KLHL14: variants seen among roughly 807,000 people sequenced by gnomAD.
KLHL14 encodes the protein kelch-like protein 14.
In KLHL14, 22 loss-of-function variants were observed where a neutral mutation model predicts 64.3. That is an observed-to-expected ratio of 0.34 (90% CI 0.24 to 0.49). KLHL14 has a LOEUF of 0.49. Among genes scored for constraint, KLHL14 ranks in the 20% least tolerant of loss-of-function variants. The pLI, the probability that KLHL14 is intolerant of heterozygous loss-of-function variation, is 0.99. For synonymous variants in KLHL14, 322 were observed against 333.4 expected (o/e 0.97, Z 0.37); for missense variants, 661 against 789.0 (o/e 0.84, Z 1.94).
intron 3 of KLHL14, among the ~76,000 whole-genome samples, chr18:32,695,911 G>A (rs566126366): frequency 6.6e-6 from 1 of 152,038 alleles, no homozygotes; most frequent in East Asian, 1.9e-4. Flanking sequence ...TCAGGGCTGG[G>A]GTTACTTCTT....
At chr18:32,675,740 C>T (rs1469718252) in intron 8 of KLHL14, among the ~76,000 whole-genome samples, 1 of 152,158 alleles carries the variant, frequency 6.6e-6, no homozygotes, top group Non-Finnish European at 1.5e-5. Context: ...ACCCAACCAA[C>T]CTAATAATTA....
intron 3 of KLHL14, among the ~76,000 whole-genome samples, chr18:32,699,322 A>T (rs1263156623): frequency 6.6e-6 from 1 of 152,200 alleles, no homozygotes; most frequent in Admixed American, 6.5e-5. Context: ...CTTTGAAAAT[A>T]CAACAACACT....
intron 3 of KLHL14, among the ~76,000 whole-genome samples, chr18:32,700,657 T>C (rs1483813155): frequency 1.3e-5 from 2 of 152,208 alleles, no homozygotes; most frequent in Non-Finnish European, 2.9e-5. Flanking sequence ...TGCTAGGCAA[T>C]GTTGTACCTG....
chr18:32,673,215 C>G lies in KLHL14; in HGVS notation c.*1442G>C, dbSNP rs977579849. ...ATTCCAGTATACCCATTTATCTTGA[C>G]GTGCTCTGCCATGAAAGCTTATCAC... On this transcript the variant is annotated 3_prime_UTR_variant, in exon 9 of 9. Coordinates refer to ENST00000359358, the MANE Select transcript of KLHL14 (RefSeq NM_020805.3). 1 of 152,576 alleles carries G rather than the reference C, an allele frequency of 6.6e-6. No individual in the cohort carries two copies. The highest frequency in any genetic ancestry group is 1.5e-5 in the Non-Finnish European group (1 of 68,042). 9.5% of individuals were successfully genotyped at this position (152,576 alleles called of 1,614,324 possible). A position where few individuals can be genotyped will look rare whatever the true frequency, so the allele number is the denominator to read the frequency against.
chr18:32,713,953 T>TA (rs965406439), intron 3 of KLHL14, among the ~76,000 whole-genome samples: 1 of 152,156 alleles, frequency 6.6e-6, no homozygotes, highest in African/African-American at 2.4e-5. Flanking sequence ...AAATTTCTTT[T>TA]AAAAATCTAC....
intron 3 of KLHL14, among the ~76,000 whole-genome samples, chr18:32,738,972 A>G (rs1048226962): frequency 6.6e-6 from 1 of 152,100 alleles, no homozygotes; most frequent in Admixed American, 6.6e-5. Flanking sequence ...GTATCTGTGC[A>G]CCTGCCTGTA....
intron 2 of KLHL14, among the ~76,000 whole-genome samples, chr18:32,756,400 C>T (rs2050281812): frequency 3.0e-5 from 2 of 67,442 alleles, no homozygotes; most frequent in Middle Eastern, 7.5e-3. Flanking sequence ...TTTAGAGTTT[C>T]CTTCACACAC....
intron 8 of KLHL14, among the ~76,000 whole-genome samples, chr18:32,676,425 G>A (rs1029530154): frequency 4.6e-5 from 7 of 152,156 alleles, no homozygotes; most frequent in Non-Finnish European, 8.8e-5. Context: ...ATTTGGATAT[G>A]TCAATTTGAA....
At chr18:32,741,091 G>A (rs772823172) in intron 3 of KLHL14, among the ~76,000 whole-genome samples, 1 of 152,114 alleles carries the variant, frequency 6.6e-6, no homozygotes, top group Non-Finnish European at 1.5e-5. Flanking sequence ...TTTGATTTAT[G>A]GATTAAAATT....
At chr18:32,690,885 A>G (rs925599212) in intron 4 of KLHL14, among the ~76,000 whole-genome samples, 1 of 152,160 alleles carries the variant, frequency 6.6e-6, no homozygotes, top group Non-Finnish European at 1.5e-5. Flanking sequence ...TAGGTTGAGT[A>G]GTAAATTGAG....
intron 3 of KLHL14, among the ~76,000 whole-genome samples, chr18:32,702,204 C>T (rs1281084171): frequency 6.6e-6 from 1 of 152,070 alleles, no homozygotes; most frequent in Non-Finnish European, 1.5e-5. Flanking sequence ...TGCTAGAATA[C>T]ATATTTGTGA....
At chr18:32,699,034 C>T (rs928307531) in intron 3 of KLHL14, among the ~76,000 whole-genome samples, 1 of 152,146 alleles carries the variant, frequency 6.6e-6, no homozygotes, top group African/African-American at 2.4e-5. Context: ...CAAGCTGAAT[C>T]TCTGCCACAA....
chr18:32,747,599 G>C (rs1322168759), intron 2 of KLHL14, among the ~76,000 whole-genome samples: 1 of 152,168 alleles, frequency 6.6e-6, no homozygotes, highest in Non-Finnish European at 1.5e-5. Flanking sequence ...AAGTGATAGA[G>C]AGCAGCTGTA....
intron 3 of KLHL14, among the ~76,000 whole-genome samples, chr18:32,732,084 C>T (rs1393149945): frequency 6.6e-6 from 1 of 152,024 alleles, no homozygotes; most frequent in Non-Finnish European, 1.5e-5. Context: ...ATTAGCCGGG[C>T]GTGGTGGCAC....
chr18:32,729,193 G>C (rs78479468), intron 3 of KLHL14, among the ~76,000 whole-genome samples: 59 of 152,232 alleles, frequency 3.9e-4, no homozygotes, highest in African/African-American at 1.4e-3. Context: ...TCCTTATTTC[G>C]TGGGGGTCAC....
At chr18:32,754,175 A>T (rs1455165037) in intron 2 of KLHL14, among the ~76,000 whole-genome samples, 1 of 152,212 alleles carries the variant, frequency 6.6e-6, no homozygotes, top group Non-Finnish European at 1.5e-5. Flanking sequence ...CCTAGTGACG[A>T]AAGGAGATAA....
chr18:32,751,821 T>TA (rs2050253874), intron 2 of KLHL14, among the ~76,000 whole-genome samples: 1 of 152,182 alleles, frequency 6.6e-6, no homozygotes, highest in Non-Finnish European at 1.5e-5. Context: ...TAAATGAAGA[T>TA]ATGACGAATA....
chr18:32,716,103 T>G (rs572611150), intron 3 of KLHL14, among the ~76,000 whole-genome samples: 1 of 152,328 alleles, frequency 6.6e-6, no homozygotes, highest in Non-Finnish European at 1.5e-5. Context: ...AAATTTTTAT[T>G]AACTGAGAAA....
At chr18:32,728,620 G>T (rs1472143530) in intron 3 of KLHL14, among the ~76,000 whole-genome samples, 1 of 152,166 alleles carries the variant, frequency 6.6e-6, no homozygotes, top group African/African-American at 2.4e-5. Context: ...GGTCATACTG[G>T]ATTAGGGTAG....
Sources: allele counts gnomAD v4.1 joint callset (sites outside exome capture counted in the v4.1 genomes callset), GRCh38; gene constraint gnomAD v4.1.1; transcripts MANE v1.5; gene names NCBI Gene and HGNC (gene_info 2026-07-23, HGNC 2026-07-21).